The following TECPR2 variants were observed in gnomAD, a reference collection of about 807,000 sequenced individuals.
TECPR2 encodes tectonin beta-propeller repeat-containing protein 2.
Under a neutral mutation model 138.1 loss-of-function variants are expected in TECPR2, and 65 were observed. The observed-to-expected ratio is 0.47, with a 90% CI of 0.39 to 0.58. The LOEUF is 0.58. Ranked by LOEUF, TECPR2 falls within the 20% of genes least tolerant of loss-of-function variation. The pLI is 0.00. For synonymous variants in TECPR2, 746 were observed against 749.8 expected (o/e 0.99, Z 0.08); for missense variants, 1,553 against 1,824.5 (o/e 0.85, Z 2.71).
At position 102,484,340 on chromosome 14, in the gene TECPR2, C is replaced by T. The variant is rs141423862; in HGVS notation, c.3790-12639C>T. On this transcript the variant is annotated intron_variant, in intron 17 of 19. Transcript: ENST00000359520. ...TAAGGATGTTTTGGAAGTTTCTTCT[C>T]CCTGCCTGGTCTTTGTATGTCCCAA... 3.9e-3 allele frequency among the ~76,000 whole-genome samples: 587 copies of T among 152,294 alleles called. 6 individuals are homozygous for T. The highest frequency in any genetic ancestry group is 0.014 in the African/African-American group (562 of 41,568).
At chr14:102,449,523 T>C (rs546112857) in intron 13 of TECPR2, 106 bp from the exon 14 acceptor site, 2 of 1,505,460 alleles carry the variant, frequency 1.3e-6, no homozygotes, top group South Asian at 2.6e-5. Context: ...ATCTTGTTAC[T>C]AGAAATGCAG....
At position 102,499,083 on chromosome 14, in the gene TECPR2, C is replaced by T. The variant is rs768381115; in HGVS notation, c.*826C>T. On this transcript the variant is annotated 3_prime_UTR_variant, in exon 20 of 20. Coordinates refer to ENST00000359520, the MANE Select transcript of TECPR2 (RefSeq NM_014844.5). ...CTGCCCACACACGGCGCAGGCTGCC[C>T]GCCTCCTGGAGAGCACACTTCAGCT... 165 of 702,796 alleles carry T rather than the reference C, an allele frequency of 2.3e-4. 1 individual carries two copies. Among genetic ancestry groups the T allele is most frequent in the Non-Finnish European group, 3.6e-4 (139 of 384,938 alleles). 43.5% of individuals were successfully genotyped at this position (702,796 alleles called of 1,614,324 possible). A position where few individuals can be genotyped will look rare whatever the true frequency, so the allele number is the denominator to read the frequency against.
chr14:102,426,284 A>G (rs1425090950), intron 6 of TECPR2, among the ~76,000 whole-genome samples: 1 of 152,140 alleles, frequency 6.6e-6, no homozygotes, highest in Non-Finnish European at 1.5e-5. Context: ...AAATCATGGT[A>G]GGAAATAATT....
intron 5 of TECPR2, among the ~76,000 whole-genome samples, chr14:102,417,954 C>T (rs555289259): frequency 1.2e-3 from 183 of 151,974 alleles, no homozygotes; most frequent in Non-Finnish European, 2.3e-3. Flanking sequence ...GCAGGGGAGC[C>T]GCAGGGAGGC....
In TECPR2 at chr14:102,448,115, T is replaced by C. The variant is rs540161763; in HGVS notation, c.3076-1514T>C. 2.5e-3 allele frequency among the ~76,000 whole-genome samples: 382 copies of C among 152,232 alleles called. 1 individual carries two copies. The highest frequency in any genetic ancestry group is 8.4e-3 in the African/African-American group (349 of 41,552). On this transcript the variant is annotated intron_variant, in intron 13 of 19. Transcript: ENST00000359520. Reference sequence around the variant, plus strand: ...TTGTAACCATATATATACATATACATGTAAAAATATACATATATGTATTTT... The same window carrying C: ...TTGTAACCATATATATACATATACACGTAAAAATATACATATATGTATTTT...
chr14:102,402,133 G>A (rs1385396594), intron 2 of TECPR2, among the ~76,000 whole-genome samples: 1 of 152,094 alleles, frequency 6.6e-6, no homozygotes, highest in Non-Finnish European at 1.5e-5. Context: ...ATGTTTTCCA[G>A]GATAGACTAT....
In TECPR2 at chr14:102,381,459, A is replaced by G. The variant is rs189381373; in HGVS notation, c.219+4519A>G. The stretch of plus-strand genomic sequence containing the variant: ...AATAGTGGCTCATGCCTGTAATCCC[A>G]GCTACTGAGAAAGCTGAGGCATGAG... On this transcript the variant is annotated intron_variant, in intron 2 of 19. Transcript: ENST00000359520. Among the ~76,000 whole-genome samples the G allele has an allele frequency of 7.9e-5, 12 of 152,368 alleles. No homozygotes were observed. In the East Asian group the frequency reaches 2.3e-3, roughly 29 times the overall value.
chr14:102,498,366 C>A lies in TECPR2; in HGVS notation c.*109C>A. The A allele has an allele frequency of 7.3e-7, 1 of 1,369,200 alleles. No individual in the cohort carries two copies. The highest frequency in any genetic ancestry group is 9.7e-7 in the Non-Finnish European group (1 of 1,028,142). The allele number at this position is 1,369,200 out of a possible 1,614,324, so 84.8% of individuals were successfully genotyped here. A position where few individuals can be genotyped will look rare whatever the true frequency, so the allele number is the denominator to read the frequency against. On this transcript the variant is annotated 3_prime_UTR_variant, in exon 20 of 20. Transcript: ENST00000359520. ...TGCCTCAACACTTGTCCAGACACCT[C>A]TGGCCAGGTTGGACCCGCACACTTA...
intron 17 of TECPR2, among the ~76,000 whole-genome samples, chr14:102,467,799 G>A (rs1890578313): frequency 6.6e-6 from 1 of 151,480 alleles, no homozygotes; most frequent in Admixed American, 6.6e-5. Flanking sequence ...GTGTTTATTG[G>A]TTATTTGTGT....
intron 17 of TECPR2, among the ~76,000 whole-genome samples, chr14:102,483,368 T>G (rs953478244): frequency 1.3e-5 from 2 of 152,040 alleles, no homozygotes; most frequent in African/African-American, 4.8e-5. Context: ...TCTCTTGTTT[T>G]CCTTTTTTTG....
intron 2 of TECPR2, among the ~76,000 whole-genome samples, chr14:102,405,729 T>C (rs922334691): frequency 6.6e-6 from 1 of 152,234 alleles, no homozygotes; most frequent in Non-Finnish European, 1.5e-5. Context: ...TGTACACTCA[T>C]ATTCATAGGA....
intron 17 of TECPR2, chr14:102,465,780 A>G: frequency 2.6e-6 from 1 of 378,026 alleles, no homozygotes; most frequent in Non-Finnish European, 3.6e-6. Flanking sequence ...CTGACCGTGC[A>G]TCCCAACACA....
chr14:102,488,152 AT>A (rs1447608097), intron 17 of TECPR2, among the ~76,000 whole-genome samples: 2 of 151,522 alleles, frequency 1.3e-5, no homozygotes, highest in Non-Finnish European at 2.9e-5. Context: ...CCTCTTTTGC[AT>A]TTTTATGAAG....
rs1891396564 is a variant in TECPR2 at position 102,499,851 on chromosome 14, C to T, written c.*1594C>T. ...TTCTCTGACAGGACCCAGCCAGCCA[C>T]ATAGGTGGAGGTTTTCCATGTCCAA... On this transcript the variant is annotated 3_prime_UTR_variant, in exon 20 of 20. Coordinates refer to ENST00000359520, the MANE Select transcript of TECPR2 (RefSeq NM_014844.5). 1 of 153,436 alleles carries T rather than the reference C, an allele frequency of 6.5e-6. No homozygotes were observed. The highest frequency in any genetic ancestry group is 6.5e-5 in the Admixed American group (1 of 15,404). 9.5% of individuals were successfully genotyped at this position (153,436 alleles called of 1,614,324 possible). A position where few individuals can be genotyped will look rare whatever the true frequency, so the allele number is the denominator to read the frequency against.
chr14:102,430,091 C>T (rs1393616235), intron 7 of TECPR2, among the ~76,000 whole-genome samples: 3 of 152,020 alleles, frequency 2.0e-5, no homozygotes, highest in Non-Finnish European at 4.4e-5. Context: ...CTTAGCCTCC[C>T]GAATAGCTGG....
intron 13 of TECPR2, among the ~76,000 whole-genome samples, chr14:102,448,181 A>T (rs1279459722): frequency 6.6e-6 from 1 of 151,166 alleles, no homozygotes; most frequent in Admixed American, 6.6e-5. Flanking sequence ...GCTGGTCTGG[A>T]ACTCCTGACC....
chr14:102,375,447 AAG>A (rs1238019639), intron 1 of TECPR2, among the ~76,000 whole-genome samples: 1 of 152,142 alleles, frequency 6.6e-6, no homozygotes, highest in East Asian at 1.9e-4. Context: ...GGCCTCATGA[AAG>A]AGGGCACAAT....
chr14:102,450,756 G>A lies in TECPR2; in HGVS notation c.3406+107G>A, dbSNP rs1890119267. 13 of 1,118,936 alleles carry A rather than the reference G, an allele frequency of 1.2e-5. No individual in the cohort carries two copies. In the South Asian group the frequency reaches 1.6e-4, roughly 14 times the overall value. The allele number at this position is 1,118,936 out of a possible 1,614,324, so 69.3% of individuals were successfully genotyped here. A position where few individuals can be genotyped will look rare whatever the true frequency, so the allele number is the denominator to read the frequency against. On this transcript the variant is annotated intron_variant, in intron 15 of 19. Transcript: ENST00000359520. ...CTTGTTGGTTATGGGGCATGCCTCG[G>A]AGACTGACCACGTGAGGGTGTCAGA...
At chr14:102,426,100 T>A (rs977402274) in intron 6 of TECPR2, among the ~76,000 whole-genome samples, 7 of 152,032 alleles carry the variant, frequency 4.6e-5, no homozygotes, top group Admixed American at 1.3e-4. Context: ...TTGGCCAGGC[T>A]GGTCTCGAAC....
Sources: allele counts gnomAD v4.1 joint callset (sites outside exome capture counted in the v4.1 genomes callset), GRCh38; gene constraint gnomAD v4.1.1; transcripts MANE v1.5; gene names NCBI Gene and HGNC (gene_info 2026-07-23, HGNC 2026-07-21).